MPDZ: variants seen among roughly 807,000 people sequenced by gnomAD.
The protein encoded by MPDZ is multiple PDZ domain protein.
Under a neutral mutation model 239.1 loss-of-function variants are expected in MPDZ, and 234 were observed. That is an observed-to-expected ratio of 0.98 (90% CI 0.88 to 1.09). MPDZ has a LOEUF of 1.09. MPDZ is among the 50% of genes least tolerant of loss of function. The probability of loss-of-function intolerance (pLI) is 0.00; values close to 1 mark genes in which losing one functional copy is unlikely to be tolerated. For missense variants in MPDZ, 3,175 were observed against 2,510.0 expected (o/e 1.26, Z -5.66); for synonymous variants, 1,048 against 881.3 (o/e 1.19, Z -3.35).
chr9:13,198,457 A>G (rs947588940), intron 12 of MPDZ, among the ~76,000 whole-genome samples: 3 of 151,268 alleles, frequency 2.0e-5, no homozygotes, highest in Non-Finnish European at 4.4e-5. Flanking sequence ...TTTTTTTTCT[A>G]TTGAGTTTTT....
chr9:13,212,756 C>CA (rs1017037418), intron 10 of MPDZ, among the ~76,000 whole-genome samples: 2 of 134,440 alleles, frequency 1.5e-5, no homozygotes, highest in Non-Finnish European at 3.1e-5. Flanking sequence ...GAGGATCTGT[C>CA]AAGCCCAGGA....
At chr9:13,168,676 C>T (rs369469536) in intron 21 of MPDZ, 112 bp from the exon 22 acceptor site, 5 of 855,726 alleles carry the variant, frequency 5.8e-6, no homozygotes, top group East Asian at 6.0e-5. Flanking sequence ...AGTAACATTT[C>T]AGTCAATAAA....
intron 12 of MPDZ, among the ~76,000 whole-genome samples, chr9:13,200,245 C>T (rs959342657): frequency 1.3e-5 from 2 of 151,864 alleles, no homozygotes; most frequent in Non-Finnish European, 2.9e-5. Flanking sequence ...GGCAGTTGTT[C>T]ATAATAGTCT....
chr9:13,260,942 T>C (rs1970547568), intron 1 of MPDZ, among the ~76,000 whole-genome samples: 1 of 152,204 alleles, frequency 6.6e-6, no homozygotes, highest in African/African-American at 2.4e-5. Context: ...CCAAGGACTA[T>C]GCTATCATGT....
intron 31 of MPDZ, chr9:13,134,873 T>G (rs1946509969): frequency 6.6e-6 from 1 of 152,376 alleles, no homozygotes; most frequent in South Asian, 2.1e-4. Context: ...TCTTCTCCGC[T>G]GCTCTGCCAC....
At chr9:13,193,409 C>T (rs1236036446) in intron 13 of MPDZ, 96 bp from the exon 14 acceptor site, 2 of 1,318,034 alleles carry the variant, frequency 1.5e-6, no homozygotes, top group Non-Finnish European at 2.0e-6. Flanking sequence ...CAAAAGTGGT[C>T]ATCTTTCTCA....
intron 3 of MPDZ, among the ~76,000 whole-genome samples, chr9:13,239,705 CAT>C (rs2137247882): frequency 6.6e-6 from 1 of 152,160 alleles, no homozygotes; most frequent in Admixed American, 6.5e-5. Flanking sequence ...GCTTAAGTAT[CAT>C]ATAAGGTACA....
Position 13,183,480 on chromosome 9 carries a change from G to T in MPDZ, c.2587C>A (p.His863Asn). The change falls in exon 19 of 47, where the codon CAT becomes AAT. Residue 863 changes from histidine to asparagine, a missense_variant. Coordinates refer to ENST00000319217, the MANE Select transcript of MPDZ (RefSeq NM_001378778.1). ...YSTQASILSL[H>N]GSSCGDGLNY... The stretch of plus-strand genomic sequence containing the variant: ...AGGCCATCACCACAAGAACTGCCAT[G>T]AAGAGATAAAATAGAGGCTTGAGTA... The T allele has an allele frequency of 1.2e-6, 2 of 1,612,338 alleles. No individual in the cohort carries two copies. Among genetic ancestry groups the T allele is most frequent in the Non-Finnish European group, 1.7e-6 (2 of 1,179,008 alleles).
chr9:13,106,821 G>T lies in MPDZ; in HGVS notation c.*144C>A. 2.4e-6 allele frequency: 2 copies of T among 850,580 alleles called. No individual in the cohort carries two copies. The highest frequency in any genetic ancestry group is 3.5e-6 in the Non-Finnish European group (2 of 569,504). The allele number at this position is 850,580 out of a possible 1,614,324, so 52.7% of individuals were successfully genotyped here. A position where few individuals can be genotyped will look rare whatever the true frequency, so the allele number is the denominator to read the frequency against. On this transcript the variant is annotated 3_prime_UTR_variant, in exon 47 of 47. Transcript: ENST00000319217. ...GTCAGTAAGGAAAGCATTTCTAGAT[G>T]AGAAAAAGAAACTTAAGTGTTATTT...
intron 22 of MPDZ, among the ~76,000 whole-genome samples, chr9:13,163,921 C>T (rs1458240235): frequency 1.3e-5 from 2 of 152,148 alleles, no homozygotes; most frequent in Admixed American, 6.6e-5. Context: ...CTTCAAAGTG[C>T]GAGGTCACTT....
chr9:13,222,708 T>G (rs1408574669), intron 5 of MPDZ, among the ~76,000 whole-genome samples: 1 of 152,106 alleles, frequency 6.6e-6, no homozygotes, highest in African/African-American at 2.4e-5. Flanking sequence ...CAGCCTACAT[T>G]ACATCTTGGA....
At chr9:13,170,563 A>AATAT (rs923918072) in intron 21 of MPDZ, among the ~76,000 whole-genome samples, 1 of 152,202 alleles carries the variant, frequency 6.6e-6, no homozygotes, top group African/African-American at 2.4e-5. Context: ...CAATACCCAC[A>AATAT]ATATAACTGT....
chr9:13,141,783 C>G (rs760299359), intron 27 of MPDZ, among the ~76,000 whole-genome samples: 1 of 152,062 alleles, frequency 6.6e-6, no homozygotes, highest in Non-Finnish European at 1.5e-5. Context: ...TCTGGCAAAG[C>G]AAATCGCTGA....
In MPDZ at chr9:13,107,075, C is replaced by T. The variant is rs745854560; in HGVS notation, c.6103G>A (p.Asp2035Asn). 4.3e-5 allele frequency: 68 copies of T among 1,587,062 alleles called. 2 individuals are homozygous for T. In the South Asian group the frequency reaches 6.1e-4, roughly 14 times the overall value. The change falls in exon 47 of 47, where the codon GAT (aspartate) becomes AAT (asparagine). Residue 2035 changes from aspartate (D) to asparagine (N), a missense_variant. Transcript: ENST00000319217. ...ASEDGRLKRG[D>N]QIIAVNGQSL... The stretch of plus-strand genomic sequence containing the variant: ...TGCCCATTGACAGCAATGATCTGAT[C>T]GCCCCTTTTCAGACGTCCGTCTTCA...
intron 21 of MPDZ, among the ~76,000 whole-genome samples, chr9:13,174,927 C>G (rs1952258444): frequency 6.6e-6 from 1 of 152,126 alleles, no homozygotes; most frequent in African/African-American, 2.4e-5. Context: ...ATTCCTCTGC[C>G]AAATCTCAAA....
At chr9:13,128,740 G>C (rs1945479400) in intron 32 of MPDZ, among the ~76,000 whole-genome samples, 1 of 152,188 alleles carries the variant, frequency 6.6e-6, no homozygotes, top group South Asian at 2.1e-4. Flanking sequence ...CAATTAGGAT[G>C]AATCTTGGAA....
At chr9:13,126,802 A>C in intron 32 of MPDZ, 30 bp from the exon 33 acceptor site, 2 of 1,575,898 alleles carry the variant, frequency 1.3e-6, no homozygotes, top group Middle Eastern at 1.7e-4. Context: ...AATGCTCAGA[A>C]GACTTGAAAC....
chr9:13,192,595 A>G (rs1955086562), intron 14 of MPDZ, among the ~76,000 whole-genome samples: 1 of 152,166 alleles, frequency 6.6e-6, no homozygotes, highest in Non-Finnish European at 1.5e-5. Flanking sequence ...AATGAAAAGG[A>G]CAAGGAGAAG....
intron 8 of MPDZ, 81 bp from the exon 9 acceptor site, chr9:13,217,375 A>G (rs998666326): frequency 1.1e-6 from 1 of 925,772 alleles, no homozygotes; most frequent in Non-Finnish European, 1.6e-6. Flanking sequence ...AAACAAAAAA[A>G]CCATGATAAA....
Sources: allele counts gnomAD v4.1 joint callset (sites outside exome capture counted in the v4.1 genomes callset), GRCh38; gene constraint gnomAD v4.1.1; transcripts MANE v1.5; gene names NCBI Gene and HGNC (gene_info 2026-07-23, HGNC 2026-07-21).